The following CWC27 variants were observed in gnomAD, a reference collection of about 807,000 sequenced individuals.
CWC27 encodes the protein CWC27 spliceosome associated cyclophilin, also known as spliceosome-associated protein CWC27 homolog.
Under a neutral mutation model 63.6 loss-of-function variants are expected in CWC27, and 47 were observed. The ratio of observed to expected loss-of-function variants is 0.74; its 90% CI spans 0.58 to 0.94. The LOEUF (loss-of-function observed/expected upper bound fraction) is 0.94, where lower values mean the gene tolerates loss of function less well. CWC27 is among the 40% of genes least tolerant of loss of function. The probability of loss-of-function intolerance (pLI) is 0.00; values close to 1 mark genes in which losing one functional copy is unlikely to be tolerated. For missense variants in CWC27, 495 were observed against 554.3 expected, an observed-to-expected ratio of 0.89 and a Z score of 1.07; for synonymous variants, 175 against 179.8, an observed-to-expected ratio of 0.97 and a Z score of 0.22.
At chr5:64,886,886 G>C (rs932708925) in intron 11 of CWC27, among the ~76,000 whole-genome samples, 2 of 152,012 alleles carry the variant, frequency 1.3e-5, no homozygotes, top group Admixed American at 1.3e-4. Context: ...AATAGAAACA[G>C]TATCTTAGCA....
intron 11 of CWC27, among the ~76,000 whole-genome samples, chr5:64,961,865 G>C (rs534010124): frequency 1.3e-5 from 2 of 152,256 alleles, no homozygotes; most frequent in East Asian, 3.9e-4. Context: ...CATAGTGCTT[G>C]ACATATAATA....
chr5:64,991,323 A>G lies in CWC27; in HGVS notation c.1256+14085A>G, dbSNP rs568575337. ...GGGCTTTTGGGGATAGTACTCTCCA[A>G]TGTCCCTTCAATACATGTTAGATAT... On this transcript the variant is annotated intron_variant, in intron 13 of 13. Transcript: ENST00000381070. Among the ~76,000 whole-genome samples the G allele has an allele frequency of 3.9e-5, 6 of 152,180 alleles. No individual in the cohort carries two copies. In the East Asian group the frequency reaches 9.7e-4, roughly 25 times the overall value.
chr5:65,014,585 C>T (rs1750018535), intron 13 of CWC27, among the ~76,000 whole-genome samples: 1 of 151,866 alleles, frequency 6.6e-6, no homozygotes, highest in East Asian at 1.9e-4. Context: ...CATAAAGAGC[C>T]GCAGAGTGGA....
At chr5:64,902,984 T>A (rs1400138340) in intron 11 of CWC27, among the ~76,000 whole-genome samples, 1 of 152,198 alleles carries the variant, frequency 6.6e-6, no homozygotes, top group Non-Finnish European at 1.5e-5. Flanking sequence ...CTACCATAAA[T>A]GGTATTGTCT....
At position 65,013,448 on chromosome 5, in the gene CWC27, A is replaced by T. The variant is rs898987632; in HGVS notation, c.1257-4711A>T. On this transcript the variant is annotated intron_variant, in intron 13 of 13. Coordinates refer to ENST00000381070, the MANE Select transcript of CWC27 (RefSeq NM_005869.4). ...CACCATGTTTGGCACCGGGAATGCA[A>T]CAGTGAACAAGACTCAAACTGTCTC... Among the ~76,000 whole-genome samples, 3 of 152,230 alleles carry T rather than the reference A, an allele frequency of 2.0e-5. No individual in the cohort carries two copies. In the East Asian group the frequency reaches 5.8e-4, roughly 29 times the overall value.
Position 64,933,636 on chromosome 5 carries a change from G to A in CWC27, c.1043-38067G>A, listed in dbSNP as rs371066192. Reference sequence around the variant, plus strand: ...GCCTCCTGAGTAGCTGGGACTACAGGCATGCACCACCATGCCTGGCTAATT... The same window carrying A: ...GCCTCCTGAGTAGCTGGGACTACAGACATGCACCACCATGCCTGGCTAATT... On this transcript the variant is annotated intron_variant, in intron 11 of 13. Transcript: ENST00000381070. Among the ~76,000 whole-genome samples the A allele has an allele frequency of 4.1e-4, 63 of 151,976 alleles. 2 individuals are homozygous for A. Among genetic ancestry groups the A allele is most frequent in the African/African-American group, 1.5e-3 (61 of 41,470 alleles).
chr5:64,888,250 T>A (rs1178195576), intron 11 of CWC27, among the ~76,000 whole-genome samples: 1 of 148,892 alleles, frequency 6.7e-6, no homozygotes, highest in Non-Finnish European at 1.5e-5. Context: ...TTGAAAAAAA[T>A]AAATAATAAT....
chr5:64,991,262 G>C (rs1749531518), intron 13 of CWC27, among the ~76,000 whole-genome samples: 1 of 151,932 alleles, frequency 6.6e-6, no homozygotes, highest in South Asian at 2.1e-4. Context: ...TACCACAGGA[G>C]GTAGTGGGTA....
chr5:64,896,511 A>G (rs1561146898), intron 11 of CWC27, among the ~76,000 whole-genome samples: 1 of 152,338 alleles, frequency 6.6e-6, no homozygotes, highest in East Asian at 1.9e-4. Context: ...GGGTGCTCGG[A>G]AAAGCATTCT....
At chr5:64,895,975 A>G (rs1747365239) in intron 11 of CWC27, among the ~76,000 whole-genome samples, 2 of 152,194 alleles carry the variant, frequency 1.3e-5, no homozygotes, top group Admixed American at 1.3e-4. Context: ...ATATTTAGAG[A>G]GATGATACTG....
intron 11 of CWC27, among the ~76,000 whole-genome samples, chr5:64,934,375 A>G (rs1561161902): frequency 6.6e-6 from 1 of 152,076 alleles, no homozygotes; most frequent in Non-Finnish European, 1.5e-5. Flanking sequence ...TTCCTGTGTT[A>G]GTTTGCTGAG....
At chr5:64,792,060 G>A (rs1744100560) in intron 7 of CWC27, among the ~76,000 whole-genome samples, 2 of 151,964 alleles carry the variant, frequency 1.3e-5, no homozygotes, top group African/African-American at 2.4e-5. Flanking sequence ...CCTTCCTGAA[G>A]CTTAAAATGT....
chr5:64,888,885 A>G (rs1210991672), intron 11 of CWC27, among the ~76,000 whole-genome samples: 2 of 152,176 alleles, frequency 1.3e-5, no homozygotes, highest in African/African-American at 4.8e-5. Context: ...GTAACTTTAT[A>G]GTACAGCAAC....
chr5:64,943,951 C>T (rs1351090845), intron 11 of CWC27, among the ~76,000 whole-genome samples: 1 of 152,128 alleles, frequency 6.6e-6, no homozygotes, highest in African/African-American at 2.4e-5. Context: ...TACCAACTCA[C>T]CTGCATCTGT....
chr5:64,842,199 G>T (rs903508054), intron 10 of CWC27, among the ~76,000 whole-genome samples: 42 of 152,194 alleles, frequency 2.8e-4, no homozygotes, highest in African/African-American at 9.6e-4. Flanking sequence ...GTACTATCGG[G>T]TCCTATACAG....
At chr5:64,860,974 C>T (rs1467130886) in intron 10 of CWC27, among the ~76,000 whole-genome samples, 1 of 152,094 alleles carries the variant, frequency 6.6e-6, no homozygotes, top group African/African-American at 2.4e-5. Flanking sequence ...GGATAAGGTA[C>T]AAATTGGATG....
intron 13 of CWC27, among the ~76,000 whole-genome samples, chr5:64,995,823 T>G (rs1215157135): frequency 6.6e-6 from 1 of 152,346 alleles, no homozygotes; most frequent in South Asian, 2.1e-4. Context: ...TTTGAAAGTT[T>G]AAGTGGTAGA....
At chr5:64,912,088 A>AAAG (rs1554023688) in intron 11 of CWC27, among the ~76,000 whole-genome samples, 2 of 128,060 alleles carry the variant, frequency 1.6e-5, no homozygotes, top group Non-Finnish European at 3.0e-5. Context: ...AAAAAAAAAA[A>AAAG]AAAGAAAGAA....
intron 13 of CWC27, among the ~76,000 whole-genome samples, chr5:65,005,504 C>T (rs567688410): frequency 6.6e-6 from 1 of 152,206 alleles, no homozygotes; most frequent in East Asian, 1.9e-4. Context: ...TAGCAATGGG[C>T]AGGGCAGGTC....
Sources: allele counts gnomAD v4.1 joint callset (sites outside exome capture counted in the v4.1 genomes callset), GRCh38; gene constraint gnomAD v4.1.1; transcripts MANE v1.5; gene names NCBI Gene and HGNC (gene_info 2026-07-23, HGNC 2026-07-21).